The following PGM2 variants were observed in gnomAD, a reference collection of about 807,000 sequenced individuals.
PGM2 encodes the protein phosphoglucomutase 2, also known as phosphopentomutase.
In PGM2, 57 loss-of-function variants were observed where a neutral mutation model predicts 74.6. The observed-to-expected ratio is 0.76, with a 90% CI of 0.62 to 0.95. The LOEUF (loss-of-function observed/expected upper bound fraction) is 0.95. PGM2 is among the 40% of genes least tolerant of loss of function. PGM2 has a pLI of 0.00. For missense variants in PGM2, 706 were observed against 741.9 expected, an observed-to-expected ratio of 0.95 and a Z score of 0.56; for synonymous variants, 273 against 260.7, an observed-to-expected ratio of 1.05 and a Z score of -0.46.
Position 37,837,616 on chromosome 4 carries a change from AAGT to A in PGM2, c.441+6_441+8del, listed in dbSNP as rs940218018. 3.2e-6 allele frequency: 5 copies of A among 1,576,716 alleles called. No individual in the cohort carries two copies. Among genetic ancestry groups the A allele is most frequent in the Non-Finnish European group, 3.5e-6 (4 of 1,145,832 alleles). ...ATATAACGCCAACCCCCTTTGTGGT[AAGT>A]AGCCATTTCCTTTCATAATTTCCTG... On this transcript the variant is annotated splice_donor_5th_base_variant and intron_variant, in intron 4 of 13. Transcript: ENST00000381967.
chr4:37,856,484 G>C (rs570394134), intron 13 of PGM2, among the ~76,000 whole-genome samples: 2 of 152,096 alleles, frequency 1.3e-5, no homozygotes, highest in African/African-American at 4.8e-5. Flanking sequence ...GGTTCTGGAG[G>C]GGGCACAGAG....
Position 37,839,931 on chromosome 4 carries a change from G to C in PGM2, c.525G>C (p.Lys175Asn). Residue 175 changes from lysine to asparagine, a missense_variant and splice_region_variant, in exon 5 of 14, where the codon AAG (lysine) becomes AAC (asparagine). Physicochemically the swap from Lys to Asn is moderately conservative, Grantham distance 94. Transcript: ENST00000381967. ...SHNPKQDNGY[K>N]VYWDNGAQII... is the part of the protein sequence containing the mutation. ...ATCCAAAGCAGGATAATGGTTATAAGGTATTTTCCTTTTTCTACTCCACAC... is the reference window on the plus strand; with the variant it reads ...ATCCAAAGCAGGATAATGGTTATAACGTATTTTCCTTTTTCTACTCCACAC... The C allele has an allele frequency of 6.3e-7, 1 of 1,584,864 alleles. No homozygotes were observed. Among genetic ancestry groups the C allele is most frequent in the East Asian group, 2.2e-5 (1 of 44,730 alleles).
chr4:37,834,339 GA>G (rs33957811), intron 2 of PGM2, among the ~76,000 whole-genome samples: 18,423 of 143,178 alleles, frequency 0.13, 2,497 homozygotes, highest in African/African-American at 0.34. Flanking sequence ...CCTGTCTCTG[GA>G]AAAAAAAAAA....
At chr4:37,846,315 G>T (rs1268286493) in intron 8 of PGM2, among the ~76,000 whole-genome samples, 1 of 149,606 alleles carries the variant, frequency 6.7e-6, no homozygotes, top group African/African-American at 2.5e-5. Context: ...GGAGGGTGCT[G>T]CTGCTGAAAT....
In PGM2 at chr4:37,845,711, G is replaced by A; in HGVS notation, c.988G>A (p.Val330Met). 1 of 1,611,154 alleles carries A rather than the reference G, an allele frequency of 6.2e-7. No homozygotes were observed. The highest frequency in any genetic ancestry group is 8.5e-7 in the Non-Finnish European group (1 of 1,177,302). The change falls in exon 8 of 14, where the codon GTG (valine) becomes ATG (methionine). Residue 330 changes from valine to methionine, a missense_variant. Val to Met is a conservative substitution (Grantham distance 21, BLOSUM62 1). This residue lies in a region of PGM2 where 359 missense variants were observed against 371.1 expected (regional missense o/e 0.97). Coordinates refer to ENST00000381967, the MANE Select transcript of PGM2 (RefSeq NM_018290.4). ...ANDPDADRLA[V>M]AEKQDSGEWR... ...CGACCCGGATGCTGATAGACTTGCT[G>A]TGGCAGAAAAGCAAGACAGGTAAAA... is the stretch of plus-strand genomic sequence containing the variant.
At chr4:37,847,324 T>A in intron 10 of PGM2, 29 bp downstream of exon 10, 1 of 1,501,650 alleles carries the variant, frequency 6.7e-7, no homozygotes, top group South Asian at 1.1e-5. Flanking sequence ...CATTAAGGAA[T>A]TGGCTGCAAG....
chr4:37,833,493 T>A (rs1305536169), intron 2 of PGM2, among the ~76,000 whole-genome samples: 2 of 152,194 alleles, frequency 1.3e-5, no homozygotes, highest in Admixed American at 6.5e-5. Context: ...CCTGAGAGAT[T>A]GAGGCTGCAG....
At chr4:37,839,152 C>G (rs916478485) in intron 4 of PGM2, among the ~76,000 whole-genome samples, 4 of 124,726 alleles carry the variant, frequency 3.2e-5, no homozygotes, top group African/African-American at 1.2e-4. Flanking sequence ...GAGTTTCGCT[C>G]TTGTCTCCCA....
At chr4:37,852,904 G>C (rs982562669) in intron 12 of PGM2, among the ~76,000 whole-genome samples, 2 of 152,004 alleles carry the variant, frequency 1.3e-5, no homozygotes, top group Non-Finnish European at 2.9e-5. Context: ...TTTTAGTTCT[G>C]AGAAGTTTTC....
At chr4:37,848,043 T>C (rs906673189) in intron 10 of PGM2, among the ~76,000 whole-genome samples, 5 of 152,232 alleles carry the variant, frequency 3.3e-5, no homozygotes, top group Non-Finnish European at 5.9e-5. Flanking sequence ...AGATTTTCTT[T>C]CATTTATCAA....
chr4:37,851,045 G>C (rs917027166), intron 12 of PGM2, among the ~76,000 whole-genome samples: 1 of 149,954 alleles, frequency 6.7e-6, no homozygotes, highest in Admixed American at 6.6e-5. Context: ...TGGTCATTTC[G>C]CACCTTAGGC....
In PGM2 at chr4:37,826,705, C is replaced by T; in HGVS notation, c.-28C>T. ...GAAGGCAGATCTCACCGCCTGCTTC[C>T]CTCTGCAGCGGTAGCACAAGCTCAG... On this transcript the variant is annotated 5_prime_UTR_variant, in exon 1 of 14. Transcript: ENST00000381967. The T allele has an allele frequency of 3.9e-6, 6 of 1,529,372 alleles. No homozygotes were observed. Among genetic ancestry groups the T allele is most frequent in the Non-Finnish European group, 5.3e-6 (6 of 1,127,618 alleles). 94.7% of individuals were successfully genotyped at this position (1,529,372 alleles called of 1,614,324 possible). A position where few individuals can be genotyped will look rare whatever the true frequency, so the allele number is the denominator to read the frequency against.
At chr4:37,849,404 C>CTTT (rs34587864) in intron 11 of PGM2, among the ~76,000 whole-genome samples, 3 of 62,798 alleles carry the variant, frequency 4.8e-5, no homozygotes, top group Non-Finnish European at 9.3e-5. Context: ...TGTTGGACCT[C>CTTT]TTTTTTTTTT....
chr4:37,849,026 C>T (rs1191014049), intron 11 of PGM2, among the ~76,000 whole-genome samples: 1 of 149,920 alleles, frequency 6.7e-6, no homozygotes, highest in Non-Finnish European at 1.5e-5. Flanking sequence ...GCCGAGATCG[C>T]GCCATTGCAC....
At chr4:37,828,431 A>G (rs1203410898) in intron 1 of PGM2, among the ~76,000 whole-genome samples, 1 of 151,714 alleles carries the variant, frequency 6.6e-6, no homozygotes. Flanking sequence ...GAAGAAGCCC[A>G]TTCATTCTCC....
intron 4 of PGM2, 100 bp from the exon 5 acceptor site, chr4:37,839,748 A>G: frequency 2.7e-6 from 2 of 727,910 alleles, no homozygotes; most frequent in Non-Finnish European, 5.0e-6. Context: ...TGTTTATTAA[A>G]AGGGAGCAAG....
At chr4:37,835,374 A>C (rs577610409) in intron 3 of PGM2, among the ~76,000 whole-genome samples, 11 of 152,318 alleles carry the variant, frequency 7.2e-5, no homozygotes, top group African/African-American at 2.4e-4. Flanking sequence ...ATTGCATATC[A>C]CATGATTCCC....
chr4:37,849,576 T>C (rs1560418903), intron 11 of PGM2, among the ~76,000 whole-genome samples: 1 of 151,332 alleles, frequency 6.6e-6, no homozygotes, highest in Non-Finnish European at 1.5e-5. Flanking sequence ...CCTGGCTGAT[T>C]TTTGTACTTT....
chr4:37,852,986 C>A (rs6531582), intron 12 of PGM2, among the ~76,000 whole-genome samples: 1 of 151,918 alleles, frequency 6.6e-6, no homozygotes, highest in South Asian at 2.1e-4. Flanking sequence ...ATTTTCAGTT[C>A]TTTGTTTCTT....
Sources: allele counts gnomAD v4.1 joint callset (sites outside exome capture counted in the v4.1 genomes callset), GRCh38; gene constraint gnomAD v4.1.1; regional missense constraint gnomAD v4.1.1; transcripts MANE v1.5; gene names NCBI Gene and HGNC (gene_info 2026-07-23, HGNC 2026-07-21).